FAM178B: variants seen among roughly 807,000 people sequenced by gnomAD.
The protein encoded by FAM178B is family with sequence similarity 178 member B, also known as protein FAM178B.
In FAM178B, 82 loss-of-function variants were observed where a neutral mutation model predicts 91.7. The ratio of observed to expected loss-of-function variants is 0.89; its 90% CI spans 0.75 to 1.07. FAM178B has a LOEUF of 1.07. Ranked by LOEUF, FAM178B falls within the 50% of genes least tolerant of loss-of-function variation. FAM178B has a pLI of 0.00. For missense variants in FAM178B, 769 were observed against 846.7 expected, an observed-to-expected ratio of 0.91 and a Z score of 1.14; for synonymous variants, 368 against 359.4, an observed-to-expected ratio of 1.02 and a Z score of -0.27.
At chr2:96,971,310 C>A in intron 3 of FAM178B, among the ~76,000 whole-genome samples, 1 of 145,064 alleles carries the variant, frequency 6.9e-6, no homozygotes, top group Admixed American at 6.9e-5. Context: ...CTCTCTCTCT[C>A]CTTCCCTCTG....
rs554577062 is a variant in FAM178B at position 96,964,282 on chromosome 2, T to C, written c.734+3238A>G. Among the ~76,000 whole-genome samples the C allele has an allele frequency of 2.6e-5, 4 of 151,658 alleles. No homozygotes were observed. In the South Asian group the frequency reaches 8.4e-4, roughly 32 times the overall value. On this transcript the variant is annotated intron_variant, in intron 5 of 16. Transcript: ENST00000490605. ...TAACTATCTCTGGGCACCCATGTAA[T>C]GTGGGGATCCTAAAAGCAGGCCACA... is the stretch of plus-strand genomic sequence containing the variant.
intron 4 of FAM178B, 83 bp downstream of exon 4, chr2:96,970,633 G>T: frequency 1.8e-6 from 2 of 1,103,900 alleles, no homozygotes; most frequent in South Asian, 1.3e-5. Flanking sequence ...GCTGTACTCC[G>T]ACCAGACTCT....
intron 8 of FAM178B, among the ~76,000 whole-genome samples, chr2:96,934,516 C>G (rs1338343547): frequency 3.9e-5 from 6 of 151,916 alleles, no homozygotes; most frequent in Non-Finnish European, 8.8e-5. Flanking sequence ...TCCTCAACAA[C>G]AACAACAAAA....
Position 96,921,177 on chromosome 2 carries a change from G to C in FAM178B, c.1550C>G (p.Thr517Ser), listed in dbSNP as rs1196655316. 6.4e-7 allele frequency: 1 copy of C among 1,551,536 alleles called. No individual in the cohort carries two copies. Among genetic ancestry groups the C allele is most frequent in the Non-Finnish European group, 8.7e-7 (1 of 1,146,916 alleles). ...LALVQFFPDM[T>S]SRSRRLRSQL... ...GAGCAGCACGCACCTGCTCCGGGAG[G>C]TCATGTCTGGGAAGAACTGCACGAG... is the stretch of plus-strand genomic sequence containing the variant. Residue 517 changes from threonine (T) to serine (S), a missense_variant, in exon 12 of 17, where the codon ACC becomes AGC. Thr to Ser is a moderately conservative substitution (Grantham distance 58). Coordinates refer to ENST00000490605, the MANE Select transcript of FAM178B (RefSeq NM_001122646.3).
At chr2:96,935,239 C>CA (rs1012311676) in intron 8 of FAM178B, among the ~76,000 whole-genome samples, 5 of 152,112 alleles carry the variant, frequency 3.3e-5, no homozygotes, top group African/African-American at 4.8e-5. Context: ...TATTCTCTGA[C>CA]AAAAAAGAAG....
Position 96,923,479 on chromosome 2 carries a change from G to A in FAM178B, c.1287+11C>T, listed in dbSNP as rs760078444. ...GAGAGTGCCCTGCATGAGGCAGGCG[G>A]CTTGACTCACCTTGTAGATGTGGCC... On this transcript the variant is annotated intron_variant, in intron 10 of 16. Coordinates refer to ENST00000490605, the MANE Select transcript of FAM178B (RefSeq NM_001122646.3). 6.5e-7 allele frequency: 1 copy of A among 1,548,414 alleles called. No homozygotes were observed. The highest frequency in any genetic ancestry group is 8.7e-7 in the Non-Finnish European group (1 of 1,144,218).
chr2:96,888,401 A>G (rs1010369531), intron 14 of FAM178B, among the ~76,000 whole-genome samples: 1 of 152,252 alleles, frequency 6.6e-6, no homozygotes, highest in Non-Finnish European at 1.5e-5. Flanking sequence ...GAGCATGGCG[A>G]GAATGGAGAA....
In FAM178B at chr2:96,986,537, A is replaced by C; in HGVS notation, c.-224T>G. The C allele has an allele frequency of 6.5e-5, 36 of 554,454 alleles. No individual in the cohort carries two copies. The highest frequency in any genetic ancestry group is 9.9e-5 in the Non-Finnish European group (32 of 322,320). The allele number at this position is 554,454 out of a possible 1,614,324, so 34.3% of individuals were successfully genotyped here. ...CGACTCCAAACCAAGCGGCCAGCTC[A>C]CAGCCGCCGCCGCCGCCAGCTGGGG... On this transcript the variant is annotated 5_prime_UTR_variant, in exon 1 of 17. Coordinates refer to ENST00000490605, the MANE Select transcript of FAM178B (RefSeq NM_001122646.3).
intron 14 of FAM178B, 27 bp from the exon 15 acceptor site, chr2:96,878,520 C>G: frequency 6.2e-7 from 1 of 1,608,280 alleles, no homozygotes. Context: ...GGGAGAGCTG[C>G]TTCTCTAACT....
chr2:96,878,070 C>T (rs768092733), intron 15 of FAM178B, 28 bp from the exon 16 acceptor site: 20 of 1,602,156 alleles, frequency 1.2e-5, no homozygotes, highest in South Asian at 5.5e-5. Context: ...GGCCAAGAAG[C>T]GGGTGTAGCA....
chr2:96,972,372 C>G, intron 2 of FAM178B, 50 bp from the exon 3 acceptor site: 1 of 1,471,574 alleles, frequency 6.8e-7, no homozygotes. Context: ...TGCCACTGTC[C>G]CAGACGTCAA....
intron 13 of FAM178B, among the ~76,000 whole-genome samples, chr2:96,897,159 G>C (rs1411487922): frequency 6.6e-6 from 1 of 152,110 alleles, no homozygotes; most frequent in Non-Finnish European, 1.5e-5. Flanking sequence ...GAGCCACAGC[G>C]CTTGGCCCCT....
intron 14 of FAM178B, among the ~76,000 whole-genome samples, chr2:96,891,720 C>G (rs1040144052): frequency 6.6e-6 from 1 of 152,138 alleles, no homozygotes; most frequent in Non-Finnish European, 1.5e-5. Flanking sequence ...CCTGAGGCAG[C>G]CAGAGGAGGT....
chr2:96,902,707 C>G lies in FAM178B; in HGVS notation c.1563G>C (p.Arg521Ser). 6.5e-7 allele frequency: 1 copy of G among 1,550,026 alleles called. No homozygotes were observed. The highest frequency in any genetic ancestry group is 8.7e-7 in the Non-Finnish European group (1 of 1,146,018). Residue 521 changes from arginine to serine, a missense_variant and splice_region_variant, in exon 13 of 17, where the codon AGG becomes AGC. By Grantham distance (110) the Arg-to-Ser change is moderately radical. Transcript: ENST00000490605. ...QFFPDMTSRS[R>S]RLRSQLSLVV... is the part of the protein sequence containing the mutation. ...CAAGGCTGAGCTGGCTTCGAAGCCG[C>G]CTGGGGGAAAAGCGACAGCCTGAGA...
intron 12 of FAM178B, among the ~76,000 whole-genome samples, chr2:96,918,538 G>A (rs1385458106): frequency 5.3e-5 from 8 of 152,192 alleles, no homozygotes; most frequent in Admixed American, 5.2e-4. Flanking sequence ...AGAAAAATAT[G>A]CACTTTCATA....
At chr2:96,908,001 G>A (rs909546845) in intron 12 of FAM178B, among the ~76,000 whole-genome samples, 2 of 152,254 alleles carry the variant, frequency 1.3e-5, no homozygotes, top group East Asian at 1.9e-4. Flanking sequence ...CAGGGCGTCC[G>A]CCTGGCTCGC....
intron 8 of FAM178B, among the ~76,000 whole-genome samples, chr2:96,936,941 A>T (rs1403588914): frequency 6.6e-6 from 1 of 152,076 alleles, no homozygotes; most frequent in Non-Finnish European, 1.5e-5. Flanking sequence ...GACCCAGCTG[A>T]GAGCCTAACA....
chr2:96,960,357 T>A lies in FAM178B; in HGVS notation c.818A>T (p.His273Leu). The change falls in exon 6 of 17, where the codon CAC becomes CTC. Residue 273 changes from histidine to leucine, a missense_variant. Coordinates refer to ENST00000490605, the MANE Select transcript of FAM178B (RefSeq NM_001122646.3). Reference sequence around the variant, plus strand: ...GGAGTCCAGGATGCATGGCAGGGGGTGACACCTGGGCAGAAACACAGTCTC... The same window carrying A: ...GGAGTCCAGGATGCATGGCAGGGGGAGACACCTGGGCAGAAACACAGTCTC... ...PGETVFLPRC[H>L]PLPCILDSSL... The A allele has an allele frequency of 1.3e-6, 2 of 1,551,326 alleles. No individual in the cohort carries two copies. The highest frequency in any genetic ancestry group is 1.7e-6 in the Non-Finnish European group (2 of 1,146,918).
rs1369846523 is a variant in FAM178B, at chr2:96,971,980, T to C, written c.485A>G (p.Asp162Gly). 2 of 1,562,610 alleles carry C rather than the reference T, an allele frequency of 1.3e-6. No homozygotes were observed. The highest frequency in any genetic ancestry group is 1.7e-4 in the Middle Eastern group (1 of 6,006). ...TGGCAAGGCCAGGCCCCTCTTCGGG[T>C]CCAAGTCCAGGTGTTCCTGCTCCAA... ...EELEQEHLDL[D>G]PKRGLALPEK... Residue 162 changes from aspartate to glycine, a missense_variant, in exon 3 of 17, where the codon GAC becomes GGC. Asp to Gly is a moderately conservative substitution (Grantham distance 94, BLOSUM62 -1). Transcript: ENST00000490605.
Sources: gnomAD v4.1 joint callset for allele counts (sites outside exome capture counted in the v4.1 genomes callset) on GRCh38, gnomAD v4.1.1 for gene constraint, MANE v1.5 for transcripts, NCBI Gene and HGNC (gene_info 2026-07-23, HGNC 2026-07-21) for gene names.